The following SPOCK3 variants were observed in gnomAD, a reference collection of about 807,000 sequenced individuals.
The protein encoded by SPOCK3 is SPARC (osteonectin), cwcv and kazal like domains proteoglycan 3, also known as testican-3.
In SPOCK3, 30 loss-of-function variants were observed where a neutral mutation model predicts 56.6. The ratio of observed to expected loss-of-function variants is 0.53; its 90% confidence interval spans 0.40 to 0.72. The LOEUF is 0.72. SPOCK3 is among the 30% of genes least tolerant of loss of function. The pLI, the probability that SPOCK3 is intolerant of heterozygous loss-of-function variation, is 0.00. For missense variants in SPOCK3, 527 were observed against 530.0 expected (o/e 0.99, Z 0.06); for synonymous variants, 196 against 183.3 (o/e 1.07, Z -0.56).
chr4:166,948,336 C>T (rs1206784520), intron 4 of SPOCK3, among the ~76,000 whole-genome samples: 3 of 152,098 alleles, frequency 2.0e-5, no homozygotes, highest in Non-Finnish European at 4.4e-5. Flanking sequence ...GCAGACATTA[C>T]TTTTATTTAC....
At chr4:166,901,629 C>T (rs1736057350) in intron 5 of SPOCK3, among the ~76,000 whole-genome samples, 1 of 152,130 alleles carries the variant, frequency 6.6e-6, no homozygotes, top group Non-Finnish European at 1.5e-5. Context: ...CAAGTAGTGA[C>T]ATCTATGCAA....
Position 166,941,254 on chromosome 4 carries a change from G to A in SPOCK3, c.351-28511C>T, listed in dbSNP as rs1741031522. Among the ~76,000 whole-genome samples, 3 of 152,090 alleles carry A rather than the reference G, an allele frequency of 2.0e-5. No individual in the cohort carries two copies. In the South Asian group the frequency reaches 6.2e-4, roughly 32 times the overall value. On this transcript the variant is annotated intron_variant, in intron 4 of 10. Transcript: ENST00000357545. ...CCATAAGAAAGTAAACTTAGAATCTGTGGACAAGAGAAACAGAAAAAAATG... is the reference window on the plus strand; with the variant it reads ...CCATAAGAAAGTAAACTTAGAATCTATGGACAAGAGAAACAGAAAAAAATG...
chr4:166,953,411 C>G (rs917270338), intron 4 of SPOCK3, among the ~76,000 whole-genome samples: 2 of 151,184 alleles, frequency 1.3e-5, no homozygotes, highest in Non-Finnish European at 3.0e-5. Context: ...GTTAGAATGG[C>G]GATCATTAAA....
At chr4:166,985,180 G>T (rs1393492076) in intron 4 of SPOCK3, among the ~76,000 whole-genome samples, 1 of 151,946 alleles carries the variant, frequency 6.6e-6, no homozygotes, top group Non-Finnish European at 1.5e-5. Flanking sequence ...TTTCTTACAG[G>T]GTACCTTTGG....
At chr4:166,745,491 C>G (rs530209959) in intron 8 of SPOCK3, among the ~76,000 whole-genome samples, 1 of 152,166 alleles carries the variant, frequency 6.6e-6, no homozygotes, top group African/African-American at 2.4e-5. Flanking sequence ...GAAGAAAGCA[C>G]TAAACATGGA....
intron 2 of SPOCK3, among the ~76,000 whole-genome samples, chr4:167,109,968 CT>C (rs1268045207): frequency 6.6e-6 from 1 of 152,008 alleles, no homozygotes; most frequent in Admixed American, 6.6e-5. Flanking sequence ...CCTTACTAGC[CT>C]GAACTTACAT....
At chr4:166,746,652 G>A (rs1317724492) in intron 8 of SPOCK3, among the ~76,000 whole-genome samples, 6 of 151,698 alleles carry the variant, frequency 4.0e-5, no homozygotes, top group Non-Finnish European at 8.8e-5. Flanking sequence ...AACTGAAGGA[G>A]ATAAAGACAC....
chr4:166,995,653 T>G (rs1196941829), intron 4 of SPOCK3, among the ~76,000 whole-genome samples: 1 of 151,956 alleles, frequency 6.6e-6, no homozygotes, highest in Non-Finnish European at 1.5e-5. Flanking sequence ...ACCCAGAAAC[T>G]CTGAGCCTCA....
intron 2 of SPOCK3, among the ~76,000 whole-genome samples, chr4:167,128,446 G>A (rs1219846004): frequency 2.0e-5 from 3 of 152,110 alleles, no homozygotes; most frequent in Non-Finnish European, 4.4e-5. Flanking sequence ...AAAAAGTAGT[G>A]GTCCTCATCT....
At chr4:166,779,017 C>T (rs913063731) in intron 7 of SPOCK3, among the ~76,000 whole-genome samples, 1 of 152,104 alleles carries the variant, frequency 6.6e-6, no homozygotes, top group African/African-American at 2.4e-5. Context: ...ACCCAAAACT[C>T]GGATGATCTA....
chr4:166,736,454 C>T (rs998505866), intron 10 of SPOCK3, among the ~76,000 whole-genome samples: 3 of 152,056 alleles, frequency 2.0e-5, no homozygotes, highest in Non-Finnish European at 4.4e-5. Context: ...AATCTAACTG[C>T]ATTGGCCAGG....
intron 5 of SPOCK3, among the ~76,000 whole-genome samples, chr4:166,902,066 T>C (rs1736106607): frequency 6.6e-6 from 1 of 152,174 alleles, no homozygotes; most frequent in South Asian, 2.1e-4. Flanking sequence ...ACAGCTTTTG[T>C]TCCGTGCACT....
intron 4 of SPOCK3, among the ~76,000 whole-genome samples, chr4:166,976,719 C>T (rs866273890): frequency 2.6e-5 from 4 of 152,026 alleles, no homozygotes; most frequent in African/African-American, 4.8e-5. Context: ...GAAAAGCACA[C>T]GACACAAAGA....
Position 167,234,152 on chromosome 4 carries a change from G to C in SPOCK3, c.22C>G (p.Leu8Val). Residue 8 changes from leucine (L) to valine (V), a missense_variant, in exon 2 of 11, where the codon CTG becomes GTG. Coordinates refer to ENST00000357545, the MANE Select transcript of SPOCK3 (RefSeq NM_001040159.2). Reference protein sequence around the residue: MLKVSAVLCVCAAAWCSQ... With the variant: MLKVSAVVCVCAAAWCSQ... ...CACCAAGCGGCTGCACACACACACA[G>C]TACGGCTGACACCTTGAGCATCTGG... 6.2e-7 allele frequency: 1 copy of C among 1,613,240 alleles called. No individual in the cohort carries two copies. Among genetic ancestry groups the C allele is most frequent in the Non-Finnish European group, 8.5e-7 (1 of 1,179,652 alleles).
At chr4:167,089,168 T>A (rs968916849) in intron 2 of SPOCK3, among the ~76,000 whole-genome samples, 1 of 152,076 alleles carries the variant, frequency 6.6e-6, no homozygotes, top group African/African-American at 2.4e-5. Flanking sequence ...CATATATATA[T>A]AAATACATGT....
intron 2 of SPOCK3, among the ~76,000 whole-genome samples, chr4:167,159,872 G>A (rs1196340512): frequency 6.6e-6 from 1 of 152,050 alleles, no homozygotes; most frequent in Non-Finnish European, 1.5e-5. Context: ...AATAAATTAG[G>A]TATTGATGAG....
rs1179268797 is a variant in SPOCK3 at position 167,109,455 on chromosome 4, T to C, written c.190-46918A>G. Among the ~76,000 whole-genome samples, 4 of 106,462 alleles carry C rather than the reference T, an allele frequency of 3.8e-5. No individual in the cohort carries two copies. In the East Asian group the frequency reaches 1.0e-3, roughly 27 times the overall value. 69.8% of individuals were successfully genotyped at this position (106,462 alleles called of 152,430 possible). ...TGATAAATATATATTTATATTTATATACATATATAGTTATAATATATTTAT... is the reference window on the plus strand; with the variant it reads ...TGATAAATATATATTTATATTTATACACATATATAGTTATAATATATTTAT... On this transcript the variant is annotated intron_variant, in intron 2 of 10. Coordinates refer to ENST00000357545, the MANE Select transcript of SPOCK3 (RefSeq NM_001040159.2).
At chr4:167,196,934 A>G (rs185020625) in intron 2 of SPOCK3, among the ~76,000 whole-genome samples, 162 of 152,274 alleles carry the variant, frequency 1.1e-3, no homozygotes, top group Admixed American at 2.6e-3. Context: ...TATTTTTGCC[A>G]TATAACATTA....
At chr4:166,921,497 T>C (rs1579654721) in intron 4 of SPOCK3, among the ~76,000 whole-genome samples, 1 of 152,026 alleles carries the variant, frequency 6.6e-6, no homozygotes, top group Non-Finnish European at 1.5e-5. Context: ...TTGTATTTTT[T>C]GTAGAGACAG....
Sources: allele counts gnomAD v4.1 joint callset (sites outside exome capture counted in the v4.1 genomes callset), GRCh38; gene constraint gnomAD v4.1.1; transcripts MANE v1.5; gene names NCBI Gene and HGNC (gene_info 2026-07-23, HGNC 2026-07-21).